Variants in PVT1 observed in about 807,000 individuals in gnomAD.
The protein encoded by PVT1 is Pvt1 oncogene, also known as CXCR4/PVT1 fusion.
chr8:128,079,391 T>A (rs1284600932), intron 5 of PVT1, among the ~76,000 whole-genome samples: 12 of 152,234 alleles, frequency 7.9e-5, no homozygotes. Flanking sequence ...TCCCGTCATA[T>A]CCCCTATTAT....
intron 4 of PVT1, among the ~76,000 whole-genome samples, chr8:127,996,290 A>G (rs950561895): frequency 4.0e-5 from 6 of 151,876 alleles, no homozygotes; most frequent in Non-Finnish European, 8.8e-5. Context: ...TGCACCACAT[A>G]GACCCTGGGC....
chr8:127,923,275 T>C (rs1816087456), intron 3 of PVT1, among the ~76,000 whole-genome samples: 1 of 152,242 alleles, frequency 6.6e-6, no homozygotes. Context: ...CAAGCAACTC[T>C]GCGAAGCAGA....
At chr8:127,888,027 G>C (rs532838718) in intron 2 of PVT1, among the ~76,000 whole-genome samples, 90 of 132,372 alleles carry the variant, frequency 6.8e-4, no homozygotes, top group Middle Eastern at 0.011. Flanking sequence ...TACAACCTCG[G>C]CCTCCTGGGT....
chr8:128,074,586 A>G (rs149576689), intron 5 of PVT1, among the ~76,000 whole-genome samples: 146 of 151,610 alleles, frequency 9.6e-4, no homozygotes, highest in Middle Eastern at 3.5e-3. Context: ...AATGCTTTTT[A>G]TAGTGATTTG....
intron 2 of PVT1, among the ~76,000 whole-genome samples, chr8:127,865,350 A>G (rs1347545157): frequency 6.6e-6 from 1 of 152,200 alleles, no homozygotes; most frequent in Non-Finnish European, 1.5e-5. Context: ...AAAGAGGTTC[A>G]CATCCTGATC....
exon 1 of PVT1, chr8:127,794,637 G>A (rs1029988923): frequency 1.3e-5 from 2 of 152,744 alleles, no homozygotes; most frequent in Non-Finnish European, 2.9e-5. Context: ...GAGCAAAGAT[G>A]TGCCCCGGGA....
At chr8:127,864,521 C>T (rs183108660) in intron 2 of PVT1, among the ~76,000 whole-genome samples, 94 of 152,232 alleles carry the variant, frequency 6.2e-4, no homozygotes, top group African/African-American at 2.2e-3. Flanking sequence ...GCTTTTCACA[C>T]GGACATGTGT....
chr8:127,896,040 GA>G (rs960691320), intron 3 of PVT1, among the ~76,000 whole-genome samples: 32 of 151,286 alleles, frequency 2.1e-4, no homozygotes, highest in African/African-American at 6.5e-4. Flanking sequence ...CATAAACATT[GA>G]AAAAAAAATT....
In PVT1 at chr8:128,090,554, G is replaced by A. The variant is rs11783167; in HGVS notation, n.1115-5964G>A. Among the ~76,000 whole-genome samples, 1,181 of 152,276 alleles carry A rather than the reference G, an allele frequency of 7.8e-3. 11 individuals carry two copies. The highest frequency in any genetic ancestry group is 0.014 in the Middle Eastern group (4 of 294). ...CCTCTTTGGGAGTTCACCAAACAGA[G>A]AGTGCAGCCCAGGAGGATGGGGGGC... On this transcript the variant is annotated intron_variant and non_coding_transcript_variant, in intron 5 of 10. Transcript: ENST00000651587.
At chr8:127,857,208 G>C (rs6992906) in intron 2 of PVT1, among the ~76,000 whole-genome samples, 11,404 of 152,138 alleles carry the variant, frequency 0.075, 577 homozygotes, top group African/African-American at 0.13. Flanking sequence ...CCTGGGATAC[G>C]GAGCAGGACT....
intron 5 of PVT1, among the ~76,000 whole-genome samples, chr8:128,087,884 G>A (rs900480567): frequency 7.4e-5 from 11 of 149,208 alleles, no homozygotes; most frequent in African/African-American, 2.5e-4. Context: ...TCAGCTTCCC[G>A]AGTAGCTGGG....
chr8:128,028,253 G>GGCTCCTGGGACCTGGCT (rs1274114251), intron 4 of PVT1, among the ~76,000 whole-genome samples: 1 of 152,252 alleles, frequency 6.6e-6, no homozygotes, highest in Non-Finnish European at 1.5e-5. Context: ...CCGCCTTTCT[G>GGCTCCTGGGACCTGGCT]GCTCCTGGGA....
intron 2 of PVT1, among the ~76,000 whole-genome samples, chr8:127,808,767 T>C (rs1031089511): frequency 6.6e-6 from 1 of 151,928 alleles, no homozygotes; most frequent in African/African-American, 2.4e-5. Flanking sequence ...TGGTGGCTCA[T>C]GCCTGTAATC....
At chr8:127,883,055 ACACACAT>A (rs1473175401) in intron 2 of PVT1, among the ~76,000 whole-genome samples, 2 of 112,268 alleles carry the variant, frequency 1.8e-5, no homozygotes, top group African/African-American at 9.1e-5. Flanking sequence ...ACATGCATGC[ACACACAT>A]CACACACACA....
intron 3 of PVT1, among the ~76,000 whole-genome samples, chr8:127,975,914 G>A (rs1211430139): frequency 6.6e-6 from 1 of 152,206 alleles, no homozygotes; most frequent in African/African-American, 2.4e-5. Context: ...CACATCCTGT[G>A]GAGCTGGAGG....
intron 4 of PVT1, among the ~76,000 whole-genome samples, chr8:128,066,537 C>T (rs1295709324): frequency 6.6e-6 from 1 of 152,228 alleles, no homozygotes; most frequent in Non-Finnish European, 1.5e-5. Flanking sequence ...ACTAATACAA[C>T]CTGCAAGGCA....
At chr8:127,940,062 C>T (rs12677518) in intron 3 of PVT1, 10,522 of 152,040 alleles carry the variant, frequency 0.069, 864 homozygotes, top group African/African-American at 0.2. Context: ...TGGGGAGGTA[C>T]CTGTTTACTC....
At chr8:127,867,186 T>A (rs912896887) in intron 2 of PVT1, among the ~76,000 whole-genome samples, 1 of 152,208 alleles carries the variant, frequency 6.6e-6, no homozygotes, top group Non-Finnish European at 1.5e-5. Flanking sequence ...GGATACTGCC[T>A]GGGCATGTGT....
At chr8:127,814,558 C>G (rs1011611985) in intron 2 of PVT1, among the ~76,000 whole-genome samples, 1 of 152,224 alleles carries the variant, frequency 6.6e-6, no homozygotes, top group African/African-American at 2.4e-5. Flanking sequence ...ATCTCCCTAG[C>G]AAACCCTTTG....
Sources: allele counts gnomAD v4.1 joint callset (sites outside exome capture counted in the v4.1 genomes callset), GRCh38; gene constraint gnomAD v4.1.1; transcripts MANE v1.5; gene names NCBI Gene and HGNC (gene_info 2026-07-23, HGNC 2026-07-21).